The following PCDHGA5 variants were observed in gnomAD, a reference collection of about 807,000 sequenced individuals.
PCDHGA5 encodes the protein protocadherin gamma-A5.
In PCDHGA5, 36 loss-of-function variants were observed where a neutral mutation model predicts 56.7. That is an observed-to-expected ratio of 0.64 (90% confidence interval 0.49 to 0.84). The LOEUF is 0.84. Ranked by LOEUF, PCDHGA5 falls within the 40% of genes least tolerant of loss-of-function variation. PCDHGA5 has a pLI of 0.00. For missense variants in PCDHGA5, 1,305 were observed against 1,201.5 expected (o/e 1.09, Z -1.27); for synonymous variants, 563 against 520.2 (o/e 1.08, Z -1.12).
Position 141,364,514 on chromosome 5 carries a change from C to A in PCDHGA5, c.184C>A (p.Arg62Ser). 1.2e-6 allele frequency: 2 copies of A among 1,614,006 alleles called. No homozygotes were observed. The highest frequency in any genetic ancestry group is 1.7e-6 in the Non-Finnish European group (2 of 1,179,896). ...GCTGGAGCCCCAGGAGCTGGCGGAGCGCGGAGTCCGCATCGTCTCCAGAGG... is the reference window on the plus strand; with the variant it reads ...GCTGGAGCCCCAGGAGCTGGCGGAGAGCGGAGTCCGCATCGTCTCCAGAGG... ...LGLEPQELAE[R>S]GVRIVSRGRT... is the part of the protein sequence containing the mutation. The change falls in exon 1 of 4, where the codon CGC (arginine) becomes AGC (serine). Residue 62 changes from arginine to serine, a missense_variant. By Grantham distance (110) the Arg-to-Ser change is moderately radical. Coordinates refer to ENST00000518069, the MANE Select transcript of PCDHGA5 (RefSeq NM_018918.3).
intron 1 of PCDHGA5, chr5:141,376,677 T>TTTG: frequency 3.8e-5 from 4 of 105,314 alleles, no homozygotes; most frequent in Non-Finnish European, 3.0e-5. Context: ...GAGGGTATCG[T>TTTG]TTTTTTTTTT....
At chr5:141,398,811 C>G in intron 1 of PCDHGA5, 1 of 1,613,980 alleles carries the variant, frequency 6.2e-7, no homozygotes. Context: ...CCACTGAGCT[C>G]CGGATCCAGG....
At chr5:141,390,538 C>A in intron 1 of PCDHGA5, 1 of 518,310 alleles carries the variant, frequency 1.9e-6, no homozygotes, top group African/African-American at 1.9e-5. Flanking sequence ...GTTTTAACCA[C>A]AAAGTGAAAG....
At position 141,486,641 on chromosome 5, in the gene PCDHGA5, A is replaced by C; in HGVS notation, c.2422-8166A>C. On this transcript the variant is annotated intron_variant, in intron 1 of 3. Transcript: ENST00000518069. The surrounding 1 kb of genome is among the most constrained non-coding windows in gnomAD (Gnocchi z 5.0). ...CCCAGACTCTGGCTTGAATGCGCTTATCTCCTACTCACTCCTGGAGCCCAG... is the reference window on the plus strand; with the variant it reads ...CCCAGACTCTGGCTTGAATGCGCTTCTCTCCTACTCACTCCTGGAGCCCAG... 6.2e-7 allele frequency: 1 copy of C among 1,613,734 alleles called. No individual in the cohort carries two copies. The highest frequency in any genetic ancestry group is 1.6e-4 in the Middle Eastern group (1 of 6,062).
At chr5:141,418,520 C>T (rs766042374) in intron 1 of PCDHGA5, 3 of 1,613,936 alleles carry the variant, frequency 1.9e-6, no homozygotes, top group Non-Finnish European at 2.5e-6. Flanking sequence ...TGGGGACCCT[C>T]CCCGAAGCGG....
chr5:141,422,775 T>G (rs1179216247), intron 1 of PCDHGA5: 1 of 1,614,046 alleles, frequency 6.2e-7, no homozygotes, highest in Non-Finnish European at 8.5e-7. Context: ...GTGTTCTCTA[T>G]GCCCTACAAT....
At position 141,487,198 on chromosome 5, in the gene PCDHGA5, T is replaced by A; in HGVS notation, c.2422-7609T>A. The A allele has an allele frequency of 1.2e-6, 2 of 1,613,854 alleles. No individual in the cohort carries two copies. The highest frequency in any genetic ancestry group is 1.7e-6 in the Non-Finnish European group (2 of 1,179,722). ...AAGACACTCATCCAGTTGTCCCAGATCTTCGAGAATCTTCAGCTCCAAGGG... is the reference window on the plus strand; with the variant it reads ...AAGACACTCATCCAGTTGTCCCAGAACTTCGAGAATCTTCAGCTCCAAGGG... On this transcript the variant is annotated intron_variant, in intron 1 of 3. Transcript: ENST00000518069. The surrounding 1 kb of genome is among the most constrained non-coding windows in gnomAD (Gnocchi z 5.0).
intron 1 of PCDHGA5, chr5:141,428,086 G>C: frequency 1.9e-6 from 3 of 1,609,122 alleles, no homozygotes; most frequent in Non-Finnish European, 1.7e-6. Context: ...CACAACGCTT[G>C]GCTGTCCTAC....
intron 1 of PCDHGA5, among the ~76,000 whole-genome samples, chr5:141,380,688 T>C (rs1176696155): frequency 6.6e-6 from 1 of 152,260 alleles, no homozygotes; most frequent in Non-Finnish European, 1.5e-5. Flanking sequence ...TGCTTTGTGT[T>C]CGGAGTAGTC....
At chr5:141,421,894 C>A in intron 1 of PCDHGA5, 3 of 1,613,704 alleles carry the variant, frequency 1.9e-6, no homozygotes, top group Non-Finnish European at 2.5e-6. Context: ...CGATCCCATC[C>A]GAAAGGGCGC....
intron 1 of PCDHGA5, chr5:141,422,115 T>G: frequency 6.2e-7 from 1 of 1,605,004 alleles, no homozygotes; most frequent in Non-Finnish European, 8.5e-7. Context: ...TCCAATTGGA[T>G]TCACAAACTG....
intron 1 of PCDHGA5, among the ~76,000 whole-genome samples, chr5:141,458,663 G>A (rs1045303205): frequency 2.6e-5 from 4 of 151,804 alleles, no homozygotes; most frequent in Admixed American, 6.6e-5. Context: ...TCCACCTCTC[G>A]GGTTCAAGCA....
chr5:141,384,106 A>G, intron 1 of PCDHGA5: 1 of 1,602,128 alleles, frequency 6.2e-7, no homozygotes, highest in Non-Finnish European at 8.5e-7. Flanking sequence ...TAATTATTAT[A>G]GATTGGTCAC....
chr5:141,371,567 C>T (rs1767853623), intron 1 of PCDHGA5: 4 of 1,613,906 alleles, frequency 2.5e-6, no homozygotes, highest in Non-Finnish European at 3.4e-6. Flanking sequence ...GAAACTTCCC[C>T]TTTAAAATCG....
At chr5:141,414,870 G>T in intron 1 of PCDHGA5, 1 of 1,614,224 alleles carries the variant, frequency 6.2e-7, no homozygotes, top group Non-Finnish European at 8.5e-7. Flanking sequence ...ATGCGCCCGA[G>T]ATCCTGTACC....
At chr5:141,468,849 G>C (rs1349849817) in intron 1 of PCDHGA5, among the ~76,000 whole-genome samples, 2 of 152,058 alleles carry the variant, frequency 1.3e-5, no homozygotes, top group East Asian at 3.9e-4. Flanking sequence ...CTGGGCAACA[G>C]AGCGAGACTC....
chr5:141,385,672 C>A, intron 1 of PCDHGA5: 2 of 389,948 alleles, frequency 5.1e-6, no homozygotes, highest in Non-Finnish European at 7.4e-6. Flanking sequence ...ATAAAACACA[C>A]CTCAGCTGTC....
At chr5:141,385,158 T>C in intron 1 of PCDHGA5, 2 of 1,614,212 alleles carry the variant, frequency 1.2e-6, no homozygotes, top group African/African-American at 2.7e-5. Context: ...TGCAGACCTA[T>C]TCCCATGAGG....
rs149806642 is a variant in PCDHGA5 at position 141,502,449 on chromosome 5, A to T, written c.2481-2944A>T. 7.7e-3 allele frequency among the ~76,000 whole-genome samples: 1,166 copies of T among 151,886 alleles called. 15 individuals carry two copies. The highest frequency in any genetic ancestry group is 0.027 in the African/African-American group (1,103 of 41,308). On this transcript the variant is annotated intron_variant, in intron 2 of 3. Coordinates refer to ENST00000518069, the MANE Select transcript of PCDHGA5 (RefSeq NM_018918.3). The stretch of plus-strand genomic sequence containing the variant: ...TCTGATGGTTAGATTCAGATTACAC[A>T]CCTTGGTAGGAATACTTCCCGCAGC...
Sources: gnomAD v4.1 joint callset for allele counts (sites outside exome capture counted in the v4.1 genomes callset) on GRCh38, gnomAD v4.1.1 for gene constraint, Gnocchi (gnomAD v3.1) non-coding constraint, MANE v1.5 for transcripts, NCBI Gene and HGNC (gene_info 2026-07-23, HGNC 2026-07-21) for gene names.